Variants in GLIS3 observed in about 807,000 individuals in gnomAD.
GLIS3 encodes the protein zinc finger protein GLIS3.
GLIS3 carries 53 observed loss-of-function variants against 78.6 expected under a neutral mutation model. That is an observed-to-expected ratio of 0.67 (90% CI 0.54 to 0.85). The LOEUF (loss-of-function observed/expected upper bound fraction) is 0.85. GLIS3 is among the 40% of genes least tolerant of loss of function. The pLI, the probability that GLIS3 is intolerant of heterozygous loss-of-function variation, is 0.00. For missense variants in GLIS3, 1,703 were observed against 1,231.1 expected, an observed-to-expected ratio of 1.38 and a Z score of -5.74; for synonymous variants, 684 against 509.9, an observed-to-expected ratio of 1.34 and a Z score of -4.60.
At chr9:4,468,257 A>G in the GLIS3 span, among the ~76,000 whole-genome samples, 4 of 152,230 alleles carry the variant, frequency 2.6e-5, no homozygotes, top group Non-Finnish European at 5.9e-5. Flanking sequence ...AAGGCTGACC[A>G]ACTTTCAAAT....
chr9:4,305,554 G>C (rs1449840629), intron 4 of GLIS3: 3 of 152,256 alleles, frequency 2.0e-5, no homozygotes, highest in Non-Finnish European at 4.4e-5. Context: ...CTTGGTCAAA[G>C]TGAATGGCTC....
chr9:4,481,816 T>C, the GLIS3 span, among the ~76,000 whole-genome samples: 1 of 152,230 alleles, frequency 6.6e-6, no homozygotes, highest in African/African-American at 2.4e-5. Flanking sequence ...TGACTGATGT[T>C]ACTAATTGCC....
At chr9:4,461,192 A>G in the GLIS3 span, among the ~76,000 whole-genome samples, 1 of 152,192 alleles carries the variant, frequency 6.6e-6, no homozygotes, top group African/African-American at 2.4e-5. Context: ...CTCAGGCACA[A>G]ATTAAGTTTG....
chr9:3,947,836 G>A lies in GLIS3; in HGVS notation c.1711-10647C>T, dbSNP rs117785577. Among the ~76,000 whole-genome samples the A allele has an allele frequency of 2.5e-3, 386 of 152,252 alleles. 1 individual carries two copies. Among genetic ancestry groups the A allele is most frequent in the Admixed American group, 5.2e-3 (80 of 15,288 alleles). ...AATTTCCACCACTGCGACAAGACAG[G>A]GGGAAAGAGAGTGGCAGAGATATTT... On this transcript the variant is annotated intron_variant, in intron 4 of 10. Transcript: ENST00000381971.
chr9:4,386,429 C>T, the GLIS3 span: 3 of 151,918 alleles, frequency 2.0e-5, no homozygotes, highest in Non-Finnish European at 4.4e-5. Flanking sequence ...AAACACTTCA[C>T]AAATTTGCAT....
the GLIS3 span, among the ~76,000 whole-genome samples, chr9:4,400,099 C>G: frequency 2.0e-5 from 3 of 152,104 alleles, no homozygotes; most frequent in African/African-American, 7.2e-5. Context: ...ATCCCAAGGA[C>G]CAGGAGTATC....
At chr9:4,289,150 T>C (rs1828244061) in intron 1 of GLIS3, among the ~76,000 whole-genome samples, 1 of 152,168 alleles carries the variant, frequency 6.6e-6, no homozygotes, top group African/African-American at 2.4e-5. Flanking sequence ...GATACCCAAG[T>C]TCTACTTCTG....
chr9:4,451,502 A>G, the GLIS3 span, among the ~76,000 whole-genome samples: 12 of 152,190 alleles, frequency 7.9e-5, no homozygotes, highest in East Asian at 2.3e-3. Flanking sequence ...AGTGAACCTA[A>G]TAGACATCTA....
At chr9:4,375,104 G>A in the GLIS3 span, among the ~76,000 whole-genome samples, 2 of 152,086 alleles carry the variant, frequency 1.3e-5, no homozygotes, top group African/African-American at 2.4e-5. Flanking sequence ...ATCTTATCCT[G>A]ACAGAACCCA....
At chr9:3,953,795 C>CTATATA (rs57500093) in intron 4 of GLIS3, among the ~76,000 whole-genome samples, 158 of 73,294 alleles carry the variant, frequency 2.2e-3, no homozygotes, top group East Asian at 0.017. Flanking sequence ...CTCTCTCTCT[C>CTATATA]TATATATATA....
the GLIS3 span, among the ~76,000 whole-genome samples, chr9:4,481,246 G>T: frequency 6.6e-6 from 1 of 152,172 alleles, no homozygotes; most frequent in Non-Finnish European, 1.5e-5. Context: ...TACTTTGGGA[G>T]GCCGAGGCAG....
intron 4 of GLIS3, among the ~76,000 whole-genome samples, chr9:4,092,646 T>G (rs907101594): frequency 1.4e-4 from 22 of 152,188 alleles, no homozygotes; most frequent in African/African-American, 4.6e-4. Context: ...CCTCCACATC[T>G]CATCCCACTG....
intron 2 of GLIS3, among the ~76,000 whole-genome samples, chr9:4,327,891 T>C (rs138549507): frequency 6.6e-6 from 1 of 152,330 alleles, no homozygotes; most frequent in Non-Finnish European, 1.5e-5. Context: ...GGAATCAAGT[T>C]TCTCAGTTGA....
chr9:3,883,176 T>C (rs761705873), intron 7 of GLIS3, among the ~76,000 whole-genome samples: 4 of 152,208 alleles, frequency 2.6e-5, no homozygotes, highest in African/African-American at 9.7e-5. Flanking sequence ...CACTGTGGCA[T>C]AGGAAATGCT....
intron 1 of GLIS3, among the ~76,000 whole-genome samples, chr9:4,288,721 AAT>A (rs1828206834): frequency 7.5e-6 from 1 of 132,838 alleles, no homozygotes; most frequent in African/African-American, 2.7e-5. Context: ...TCCCGTTTTA[AAT>A]AGTTTTAGGT....
intron 2 of GLIS3, among the ~76,000 whole-genome samples, chr9:4,127,652 G>A (rs1440573598): frequency 2.0e-5 from 3 of 152,038 alleles, no homozygotes; most frequent in African/African-American, 4.8e-5. Flanking sequence ...AAAAGGCAAT[G>A]TGATGGTTCA....
intron 4 of GLIS3, among the ~76,000 whole-genome samples, chr9:4,077,745 T>C (rs1365401089): frequency 6.6e-6 from 1 of 152,164 alleles, no homozygotes; most frequent in Non-Finnish European, 1.5e-5. Flanking sequence ...TGTTCTCTTG[T>C]CAGCGTCCCT....
the GLIS3 span, among the ~76,000 whole-genome samples, chr9:4,406,014 A>G: frequency 6.6e-6 from 1 of 152,236 alleles, no homozygotes; most frequent in African/African-American, 2.4e-5. Context: ...AAAGTTTAAC[A>G]TCTCTTCATG....
the GLIS3 span, among the ~76,000 whole-genome samples, chr9:4,458,127 T>C: frequency 6.6e-6 from 1 of 152,060 alleles, no homozygotes; most frequent in African/African-American, 2.4e-5. Context: ...CTTCCCTACC[T>C]GATCTCTGCC....
Sources: gnomAD v4.1 joint callset for allele counts (sites outside exome capture counted in the v4.1 genomes callset) on GRCh38, gnomAD v4.1.1 for gene constraint, MANE v1.5 for transcripts, NCBI Gene and HGNC (gene_info 2026-07-23, HGNC 2026-07-21) for gene names.